Variants in SLC4A4 observed in about 807,000 individuals in gnomAD.
SLC4A4 encodes the protein solute carrier family 4 member 4, also known as electrogenic sodium bicarbonate cotransporter 1.
In SLC4A4, 27 loss-of-function variants were observed where a neutral mutation model predicts 111.5. The ratio of observed to expected loss-of-function variants is 0.24; its 90% confidence interval spans 0.18 to 0.33. The LOEUF is 0.33. Among genes scored for constraint, SLC4A4 ranks in the 10% least tolerant of loss-of-function variants. The pLI is 1.00. For missense variants in SLC4A4, 909 were observed against 1,315.5 expected, an observed-to-expected ratio of 0.69 and a Z score of 4.78; for synonymous variants, 443 against 463.4, an observed-to-expected ratio of 0.96 and a Z score of 0.57.
intron 3 of SLC4A4, among the ~76,000 whole-genome samples, chr4:71,266,399 C>G (rs1486405689): frequency 6.6e-6 from 1 of 152,128 alleles, no homozygotes; most frequent in Non-Finnish European, 1.5e-5. Flanking sequence ...AACTCTGTGC[C>G]AAATGCCAGC....
At position 71,508,494 on chromosome 4, in the gene SLC4A4, C is replaced by A. The variant is rs868838921; in HGVS notation, c.2166+10802C>A. On this transcript the variant is annotated intron_variant, in intron 16 of 25. Coordinates refer to ENST00000264485, the MANE Select transcript of SLC4A4 (RefSeq NM_001098484.3). ...TAATATAAACACCTCTATGCACATACACTAGGAAGTCCAGAACAAATGGAT... is the reference window on the plus strand; with the variant it reads ...TAATATAAACACCTCTATGCACATAAACTAGGAAGTCCAGAACAAATGGAT... Among the ~76,000 whole-genome samples, 52 of 152,030 alleles carry A rather than the reference C, an allele frequency of 3.4e-4. 1 individual carries two copies. The highest frequency in any genetic ancestry group is 1.3e-3 in the African/African-American group (52 of 41,394).
chr4:71,397,702 A>G (rs1235478549), intron 7 of SLC4A4, 49 bp downstream of exon 7: 1 of 1,482,702 alleles, frequency 6.7e-7, no homozygotes, highest in Admixed American at 1.7e-5. Flanking sequence ...ACGTATATCT[A>G]AAAGATGCTG....
At chr4:71,119,691 T>C (rs1578497708) in intron 2 of SLC4A4, among the ~76,000 whole-genome samples, 1 of 152,372 alleles carries the variant, frequency 6.6e-6, no homozygotes, top group East Asian at 1.9e-4. Context: ...GCTTGAAATC[T>C]TTCATTAGTA....
intron 22 of SLC4A4, among the ~76,000 whole-genome samples, chr4:71,559,338 T>C (rs1189429228): frequency 6.6e-6 from 1 of 151,848 alleles, no homozygotes; most frequent in Non-Finnish European, 1.5e-5. Flanking sequence ...GTCAAGAATA[T>C]TTGTTTTGGA....
chr4:71,178,092 C>T (rs1390478519), intron 2 of SLC4A4, among the ~76,000 whole-genome samples: 8 of 151,866 alleles, frequency 5.3e-5, no homozygotes, highest in East Asian at 1.9e-4. Context: ...GGGTACATAA[C>T]GAAATGAAGG....
At chr4:71,322,628 T>C (rs774648678) in intron 3 of SLC4A4, among the ~76,000 whole-genome samples, 2 of 152,022 alleles carry the variant, frequency 1.3e-5, no homozygotes, top group African/African-American at 4.8e-5. Flanking sequence ...AATGCTGATG[T>C]GTTCACTCTT....
At chr4:71,561,594 T>A (rs1238496623) in intron 23 of SLC4A4, among the ~76,000 whole-genome samples, 1 of 151,752 alleles carries the variant, frequency 6.6e-6, no homozygotes, top group Non-Finnish European at 1.5e-5. Context: ...CACATTTAGC[T>A]AAAGAGAAAA....
intron 1 of SLC4A4, among the ~76,000 whole-genome samples, chr4:71,235,153 CT>C (rs1299997298): frequency 2.0e-5 from 3 of 152,142 alleles, no homozygotes; most frequent in African/African-American, 7.2e-5. Context: ...AAAACTGAGA[CT>C]TAAAAAAGCT....
At chr4:71,113,233 TG>T (rs1743143924) in intron 2 of SLC4A4, among the ~76,000 whole-genome samples, 2 of 152,194 alleles carry the variant, frequency 1.3e-5, no homozygotes, top group Non-Finnish European at 2.9e-5. Context: ...GGAGAAGAGA[TG>T]GTTAAAGTCT....
intron 3 of SLC4A4, among the ~76,000 whole-genome samples, chr4:71,265,881 T>C (rs993482267): frequency 6.6e-6 from 1 of 152,232 alleles, no homozygotes; most frequent in Non-Finnish European, 1.5e-5. Context: ...ATTTTTAAAA[T>C]TACCAGCATA....
At chr4:71,096,366 A>C (rs79044551) in intron 2 of SLC4A4, among the ~76,000 whole-genome samples, 1 of 152,126 alleles carries the variant, frequency 6.6e-6, no homozygotes, top group Admixed American at 6.6e-5. Flanking sequence ...ACACTGAAAA[A>C]CACTGACATT....
chr4:71,281,910 T>G (rs1441028557), intron 3 of SLC4A4, among the ~76,000 whole-genome samples: 3 of 151,726 alleles, frequency 2.0e-5, no homozygotes, highest in African/African-American at 7.3e-5. Flanking sequence ...TCATTTGATC[T>G]CTTTTTTCTC....
At chr4:71,089,544 T>C (rs939529276) in intron 1 of SLC4A4, among the ~76,000 whole-genome samples, 2 of 152,088 alleles carry the variant, frequency 1.3e-5, no homozygotes, top group Admixed American at 6.5e-5. Flanking sequence ...ACCTTTGGTC[T>C]TTGATGATGG....
chr4:71,481,082 T>C (rs950465748), intron 14 of SLC4A4, among the ~76,000 whole-genome samples: 2 of 151,718 alleles, frequency 1.3e-5, no homozygotes, highest in Admixed American at 1.3e-4. Context: ...ATGAGGTAGA[T>C]GGTTTCAAAT....
intron 1 of SLC4A4, among the ~76,000 whole-genome samples, chr4:71,087,148 C>T (rs1742202591): frequency 6.6e-6 from 1 of 152,076 alleles, no homozygotes; most frequent in African/African-American, 2.4e-5. Context: ...GTGTATGTAT[C>T]GAGGAATGTA....
intron 2 of SLC4A4, among the ~76,000 whole-genome samples, chr4:71,160,515 C>A (rs1052207775): frequency 1.3e-5 from 2 of 151,862 alleles, no homozygotes; most frequent in Non-Finnish European, 2.9e-5. Context: ...CTCACAGATT[C>A]AGGAACCAGC....
At chr4:71,287,736 G>A (rs1331187133) in intron 3 of SLC4A4, among the ~76,000 whole-genome samples, 1 of 152,078 alleles carries the variant, frequency 6.6e-6, no homozygotes, top group Non-Finnish European at 1.5e-5. Context: ...GATTCTGGTG[G>A]TTCTGGTTGT....
chr4:71,175,566 G>C (rs1484510297), intron 2 of SLC4A4, among the ~76,000 whole-genome samples: 1 of 152,374 alleles, frequency 6.6e-6, no homozygotes, highest in African/African-American at 2.4e-5. Flanking sequence ...TACGCCCATG[G>C]AGCCTCGCTC....
Position 71,255,276 on chromosome 4 carries a change from C to G in SLC4A4, c.130C>G (p.Arg44Gly). Residue 44 changes from arginine (R) to glycine (G), a missense_variant, in exon 3 of 26, where the codon CGT becomes GGT. This residue lies in a region of SLC4A4 where 117 missense variants were observed against 154.2 expected (regional missense o/e 0.76). Transcript: ENST00000264485. The stretch of plus-strand genomic sequence containing the variant: ...GCCGAAGAGTTACAGGAGAAGGAGA[C>G]GTCACAAGAGAAAGACAGGGCACAA... ...HVPKSYRRRRRHKRKTGHKEK... is the reference protein window; with the variant it reads ...HVPKSYRRRRGHKRKTGHKEK... 1 of 1,613,320 alleles carries G rather than the reference C, an allele frequency of 6.2e-7. No individual in the cohort carries two copies. Among genetic ancestry groups the G allele is most frequent in the Middle Eastern group, 1.7e-4 (1 of 6,050 alleles).
Sources: gnomAD v4.1 joint callset for allele counts (sites outside exome capture counted in the v4.1 genomes callset) on GRCh38, gnomAD v4.1.1 for gene constraint, gnomAD v4.1.1 regional missense constraint, MANE v1.5 for transcripts, NCBI Gene and HGNC (gene_info 2026-07-23, HGNC 2026-07-21) for gene names.